The following MARCHF1 variants were observed in gnomAD, a reference collection of about 807,000 sequenced individuals.
MARCHF1 encodes membrane associated ring-CH-type finger 1.
In MARCHF1, 40 loss-of-function variants were observed where a neutral mutation model predicts 54.2. The observed-to-expected ratio is 0.74, with a 90% CI of 0.57 to 0.96. The LOEUF (loss-of-function observed/expected upper bound fraction) is 0.96, where lower values mean the gene tolerates loss of function less well. Among genes scored for constraint, MARCHF1 ranks in the 40% least tolerant of loss-of-function variants. The pLI is 0.00. For missense variants in MARCHF1, 586 were observed against 656.5 expected, an observed-to-expected ratio of 0.89 and a Z score of 1.17; for synonymous variants, 236 against 236.3, an observed-to-expected ratio of 1.00 and a Z score of 0.01.
intron 3 of MARCHF1, among the ~76,000 whole-genome samples, chr4:163,903,477 G>C (rs1354524710): frequency 6.6e-6 from 1 of 152,144 alleles, no homozygotes; most frequent in Non-Finnish European, 1.5e-5. Flanking sequence ...ATTTTAAATA[G>C]ATGATTTGTA....
chr4:163,756,254 A>G (rs1338322845), intron 4 of MARCHF1, among the ~76,000 whole-genome samples: 2 of 152,142 alleles, frequency 1.3e-5, no homozygotes, highest in Non-Finnish European at 2.9e-5. Context: ...ATGTAATCCT[A>G]TTTGTTTAAT....
chr4:163,588,803 T>G (rs1289285947), intron 7 of MARCHF1, among the ~76,000 whole-genome samples: 1 of 152,144 alleles, frequency 6.6e-6, no homozygotes, highest in Admixed American at 6.6e-5. Context: ...ATCTGGTAAA[T>G]GATTCAATTC....
chr4:163,895,244 C>G (rs1017710812), intron 3 of MARCHF1, among the ~76,000 whole-genome samples: 5 of 152,170 alleles, frequency 3.3e-5, no homozygotes, highest in Non-Finnish European at 5.9e-5. Context: ...ATTAAGATGT[C>G]TATTTATGCA....
intron 1 of MARCHF1, among the ~76,000 whole-genome samples, chr4:164,319,782 A>G (rs1365979391): frequency 6.6e-6 from 1 of 152,136 alleles, no homozygotes; most frequent in Admixed American, 6.6e-5. Context: ...AATGACTTAT[A>G]CATAGCTGGG....
chr4:164,116,635 G>T (rs895398457), intron 1 of MARCHF1, among the ~76,000 whole-genome samples: 3 of 151,902 alleles, frequency 2.0e-5, no homozygotes, highest in African/African-American at 7.3e-5. Context: ...TAAATTCTCA[G>T]CTTCTTAATA....
intron 1 of MARCHF1, among the ~76,000 whole-genome samples, chr4:164,359,302 T>G (rs1487525541): frequency 6.6e-6 from 1 of 152,212 alleles, no homozygotes; most frequent in Non-Finnish European, 1.5e-5. Flanking sequence ...TTCTCTCGTT[T>G]GCCACTGTTT....
intron 2 of MARCHF1, among the ~76,000 whole-genome samples, chr4:164,083,522 C>A (rs1012377136): frequency 1.3e-5 from 2 of 151,692 alleles, no homozygotes; most frequent in African/African-American, 4.8e-5. Flanking sequence ...AGGAAAATAG[C>A]CAGACAAAGA....
At chr4:164,227,066 T>G (rs1306782535) in intron 1 of MARCHF1, among the ~76,000 whole-genome samples, 1 of 152,038 alleles carries the variant, frequency 6.6e-6, no homozygotes, top group Admixed American at 6.6e-5. Flanking sequence ...ATCCAAAAAC[T>G]ATGGCCAAGA....
chr4:164,347,017 C>T (rs931466201), intron 1 of MARCHF1, among the ~76,000 whole-genome samples: 2 of 152,040 alleles, frequency 1.3e-5, no homozygotes, highest in Non-Finnish European at 2.9e-5. Context: ...CTGGCATTCA[C>T]AACTGGGACT....
intron 4 of MARCHF1, among the ~76,000 whole-genome samples, chr4:163,821,427 G>A (rs1046764540): frequency 2.0e-5 from 3 of 151,742 alleles, no homozygotes; most frequent in Non-Finnish European, 2.9e-5. Flanking sequence ...TTCAATAGTA[G>A]GCATTCAGTA....
intron 1 of MARCHF1, among the ~76,000 whole-genome samples, chr4:164,279,364 A>G (rs1002118698): frequency 6.6e-6 from 1 of 151,574 alleles, no homozygotes. Flanking sequence ...CTTTTGAAAT[A>G]ATGATAAAAT....
At chr4:163,627,980 C>G (rs1741931715) in intron 5 of MARCHF1, among the ~76,000 whole-genome samples, 1 of 151,724 alleles carries the variant, frequency 6.6e-6, no homozygotes, top group Non-Finnish European at 1.5e-5. Context: ...TAAAAAACTC[C>G]TAGAAGAAAA....
intron 1 of MARCHF1, among the ~76,000 whole-genome samples, chr4:164,138,026 C>T (rs896553534): frequency 2.0e-5 from 3 of 152,092 alleles, no homozygotes; most frequent in Non-Finnish European, 4.4e-5. Context: ...GTGTTTCTCA[C>T]TGTAGTAATG....
intron 1 of MARCHF1, among the ~76,000 whole-genome samples, chr4:164,242,050 G>T (rs1365647782): frequency 6.6e-6 from 1 of 152,222 alleles, no homozygotes; most frequent in East Asian, 1.9e-4. Flanking sequence ...GAGGCAGGGG[G>T]AGGGGCGCCC....
intron 1 of MARCHF1, among the ~76,000 whole-genome samples, chr4:164,195,894 A>G (rs1731242421): frequency 1.3e-5 from 2 of 152,184 alleles, no homozygotes; most frequent in Admixed American, 1.3e-4. Context: ...GGGACTTAAA[A>G]AATGATACTA....
intron 2 of MARCHF1, among the ~76,000 whole-genome samples, chr4:164,006,314 C>G (rs547788312): frequency 1.3e-5 from 2 of 151,954 alleles, no homozygotes; most frequent in African/African-American, 4.8e-5. Flanking sequence ...CTAAAAAAGA[C>G]ATTTGTTGCA....
intron 2 of MARCHF1, among the ~76,000 whole-genome samples, chr4:164,048,847 G>T (rs530010612): frequency 6.6e-6 from 1 of 151,980 alleles, no homozygotes; most frequent in African/African-American, 2.4e-5. Flanking sequence ...TTTCATAAAA[G>T]ATTTTGTATA....
intron 7 of MARCHF1, among the ~76,000 whole-genome samples, chr4:163,594,960 A>G: frequency 6.6e-6 from 1 of 152,218 alleles, no homozygotes; most frequent in Non-Finnish European, 1.5e-5. Context: ...TATCCAGAAG[A>G]ATTGAAATCA....
intron 3 of MARCHF1, among the ~76,000 whole-genome samples, chr4:163,975,255 C>A (rs928067736): frequency 6.7e-6 from 1 of 150,116 alleles, no homozygotes; most frequent in Admixed American, 6.6e-5. Flanking sequence ...TTTTTCTTGA[C>A]AACTCTGACT....
Sources: allele counts gnomAD v4.1 joint callset (sites outside exome capture counted in the v4.1 genomes callset), GRCh38; gene constraint gnomAD v4.1.1; transcripts MANE v1.5; gene names NCBI Gene and HGNC (gene_info 2026-07-23, HGNC 2026-07-21).